Variants in VGLL4 observed in about 807,000 individuals in gnomAD.
The protein encoded by VGLL4 is transcription cofactor vestigial-like protein 4.
Under a neutral mutation model 21.0 loss-of-function variants are expected in VGLL4, and 7 were observed. The ratio of observed to expected loss-of-function variants is 0.33; its 90% CI spans 0.19 to 0.63. VGLL4 has a LOEUF of 0.63. VGLL4 is among the 20% of genes least tolerant of loss of function. VGLL4 has a pLI of 0.78. For synonymous variants in VGLL4, 222 were observed against 173.2 expected (o/e 1.28, Z -2.21); for missense variants, 394 against 425.7 (o/e 0.93, Z 0.66).
chr3:11,628,469 T>C (rs1179035532), intron 1 of VGLL4, among the ~76,000 whole-genome samples: 1 of 151,874 alleles, frequency 6.6e-6, no homozygotes, highest in East Asian at 1.9e-4. Context: ...AAAATAAAAT[T>C]TATCAAAAAA....
Position 11,623,403 on chromosome 3 carries a change from G to A in VGLL4, c.82+20034C>T, listed in dbSNP as rs374277923. ...CCCAAGTCTCAAAGTCCACTCTGCA[G>A]AGCCCGCTTATAGGAGAAGCTGGGC... On this transcript the variant is annotated intron_variant, in intron 1 of 4. Coordinates refer to ENST00000430365, the MANE Select transcript of VGLL4 (RefSeq NM_001128219.3). Among the ~76,000 whole-genome samples the A allele has an allele frequency of 3.9e-5, 6 of 152,252 alleles. No individual in the cohort carries two copies. The East Asian group carries it at 1.2e-3, about 29-fold the overall frequency.
At chr3:11,657,497 TTAACAA>T (rs1222244974) in intron 2 of VGLL4, among the ~76,000 whole-genome samples, 6 of 144,806 alleles carry the variant, frequency 4.1e-5, no homozygotes, top group Non-Finnish European at 9.0e-5. Context: ...CTGGTATGAA[TTAACAA>T]TAACAATTAC....
intron 2 of VGLL4, among the ~76,000 whole-genome samples, chr3:11,654,251 T>C (rs937575166): frequency 6.6e-6 from 1 of 152,222 alleles, no homozygotes; most frequent in African/African-American, 2.4e-5. Flanking sequence ...AAAATGTTAT[T>C]TTTCCTAGAG....
chr3:11,633,886 A>C (rs1187484393), intron 1 of VGLL4, among the ~76,000 whole-genome samples: 1 of 152,180 alleles, frequency 6.6e-6, no homozygotes, highest in East Asian at 1.9e-4. Context: ...GGTAAGCCGG[A>C]ATGATATTCT....
chr3:11,603,127 C>G (rs922397604), intron 1 of VGLL4, among the ~76,000 whole-genome samples: 6 of 152,164 alleles, frequency 3.9e-5, no homozygotes, highest in African/African-American at 1.4e-4. Flanking sequence ...GATGTGTGGA[C>G]AGTGTTAACA....
chr3:11,705,113 C>A (rs1043673314), intron 1 of VGLL4, among the ~76,000 whole-genome samples: 1 of 152,142 alleles, frequency 6.6e-6, no homozygotes, highest in African/African-American at 2.4e-5. Context: ...TCGATGGGAC[C>A]GCGGCTTGAC....
At chr3:11,671,141 A>G in intron 2 of VGLL4, 1 of 1,154,288 alleles carries the variant, frequency 8.7e-7, no homozygotes. Context: ...TGTTTTCATG[A>G]AGTAATGAGG....
At chr3:11,683,844 T>A (rs755218574) in intron 2 of VGLL4, among the ~76,000 whole-genome samples, 1 of 152,012 alleles carries the variant, frequency 6.6e-6, no homozygotes, top group Non-Finnish European at 1.5e-5. Flanking sequence ...GATTATGGCA[T>A]CCTGTAATGA....
intron 1 of VGLL4, among the ~76,000 whole-genome samples, chr3:11,710,156 G>A (rs1186421281): frequency 6.6e-6 from 1 of 152,202 alleles, no homozygotes; most frequent in East Asian, 1.9e-4. Flanking sequence ...AACCATTCAT[G>A]AGGGATCGCT....
intron 3 of VGLL4, among the ~76,000 whole-genome samples, chr3:11,559,773 G>A (rs1021162317): frequency 6.6e-6 from 1 of 152,174 alleles, no homozygotes; most frequent in Non-Finnish European, 1.5e-5. Flanking sequence ...TCCTGTGGAG[G>A]ACAGAGGGTT....
At chr3:11,712,993 C>G (rs543415072) in intron 1 of VGLL4, among the ~76,000 whole-genome samples, 2 of 152,198 alleles carry the variant, frequency 1.3e-5, no homozygotes, top group African/African-American at 4.8e-5. Flanking sequence ...AGACTGTGGC[C>G]AACAATGACA....
At chr3:11,615,980 T>C (rs148470666) in intron 1 of VGLL4, among the ~76,000 whole-genome samples, 13 of 152,300 alleles carry the variant, frequency 8.5e-5, no homozygotes, top group African/African-American at 3.1e-4. Flanking sequence ...ACCTCACCCC[T>C]GGGGCTGAAA....
At chr3:11,593,994 C>T (rs1164842764) in intron 2 of VGLL4, among the ~76,000 whole-genome samples, 2 of 152,226 alleles carry the variant, frequency 1.3e-5, no homozygotes, top group African/African-American at 4.8e-5. Context: ...GGCAAATACA[C>T]TGTAAATATA....
intron 3 of VGLL4, among the ~76,000 whole-genome samples, chr3:11,560,614 ATCC>A (rs1362990339): frequency 6.6e-6 from 1 of 152,224 alleles, no homozygotes; most frequent in East Asian, 1.9e-4. Context: ...GAAAATGTGG[ATCC>A]ACAAGGATGA....
At chr3:11,649,467 A>C (rs922431425) in intron 2 of VGLL4, among the ~76,000 whole-genome samples, 3 of 152,208 alleles carry the variant, frequency 2.0e-5, no homozygotes, top group African/African-American at 4.8e-5. Context: ...TATTCTTCCT[A>C]TAATGAAGAT....
chr3:11,570,843 A>G (rs948305317), intron 2 of VGLL4, among the ~76,000 whole-genome samples: 15 of 152,072 alleles, frequency 9.9e-5, no homozygotes, highest in African/African-American at 3.4e-4. Context: ...ACCCCACAAC[A>G]CACACACAGG....
chr3:11,582,222 G>A (rs938292767), intron 2 of VGLL4: 14 of 1,553,746 alleles, frequency 9.0e-6, no homozygotes, highest in Non-Finnish European at 1.2e-5. Context: ...GAAAATACAG[G>A]GTTGCCATCT....
intron 2 of VGLL4, among the ~76,000 whole-genome samples, chr3:11,575,236 CCG>C (rs1349473541): frequency 2.6e-5 from 4 of 152,172 alleles, no homozygotes; most frequent in African/African-American, 9.7e-5. Context: ...GGGAAGGCGG[CCG>C]CACTGAGTGC....
chr3:11,676,255 T>C (rs1405516596), intron 2 of VGLL4, among the ~76,000 whole-genome samples: 3 of 151,772 alleles, frequency 2.0e-5, no homozygotes, highest in Non-Finnish European at 2.9e-5. Context: ...GGTGTGGTGG[T>C]GGGTGCCTGT....
Sources: gnomAD v4.1 joint callset for allele counts (sites outside exome capture counted in the v4.1 genomes callset) on GRCh38, gnomAD v4.1.1 for gene constraint, MANE v1.5 for transcripts, NCBI Gene and HGNC (gene_info 2026-07-23, HGNC 2026-07-21) for gene names.